The following ELAVL1 variants were observed in gnomAD, a reference collection of about 807,000 sequenced individuals.
The protein encoded by ELAVL1 is ELAV-like protein 1.
A neutral mutation model predicts 28.4 loss-of-function variants in ELAVL1; 1 was observed. That is an observed-to-expected ratio of 0.04 (90% CI 0.01 to 0.17). The LOEUF (loss-of-function observed/expected upper bound fraction) is 0.17. ELAVL1 is among the 10% of genes least tolerant of loss of function. The pLI, the probability that ELAVL1 is intolerant of heterozygous loss-of-function variation, is 1.00. For missense variants in ELAVL1, 157 were observed against 447.2 expected, an observed-to-expected ratio of 0.35 and a Z score of 5.85; for synonymous variants, 174 against 183.5, an observed-to-expected ratio of 0.95 and a Z score of 0.42.
At chr19:7,977,588 C>T (rs973844084) in intron 3 of ELAVL1, among the ~76,000 whole-genome samples, 8 of 152,212 alleles carry the variant, frequency 5.3e-5, no homozygotes, top group South Asian at 2.1e-4. Flanking sequence ...CTCAGCCTGT[C>T]GCCTCCATGC....
At chr19:7,980,734 C>A (rs888720426) in intron 3 of ELAVL1, among the ~76,000 whole-genome samples, 1 of 152,136 alleles carries the variant, frequency 6.6e-6, no homozygotes, top group African/African-American at 2.4e-5. Flanking sequence ...GAGTGAGGTG[C>A]TGGGTGAGGG....
intron 3 of ELAVL1, among the ~76,000 whole-genome samples, chr19:7,976,001 G>C (rs1451626484): frequency 6.6e-6 from 1 of 151,908 alleles, no homozygotes; most frequent in Non-Finnish European, 1.5e-5. Flanking sequence ...GCTGAGGTAG[G>C]AGGATCACCT....
intron 4 of ELAVL1, among the ~76,000 whole-genome samples, chr19:7,968,372 C>G (rs547671908): frequency 6.6e-6 from 1 of 152,356 alleles, no homozygotes; most frequent in South Asian, 2.1e-4. Context: ...TGGCCACCCC[C>G]TGCCAGCTCC....
chr19:7,989,658 A>ACG (rs1985700992), intron 2 of ELAVL1, among the ~76,000 whole-genome samples: 1 of 152,252 alleles, frequency 6.6e-6, no homozygotes, highest in Admixed American at 6.5e-5. Flanking sequence ...TGTTAGTGGC[A>ACG]CAGGAGAATT....
chr19:7,994,870 G>A (rs574845711), intron 1 of ELAVL1, among the ~76,000 whole-genome samples: 5 of 152,260 alleles, frequency 3.3e-5, no homozygotes, highest in South Asian at 4.1e-4. Context: ...AGGGAGGATC[G>A]CTTGAGCCCA....
chr19:7,973,703 G>A lies in ELAVL1; in HGVS notation c.430+22C>T, dbSNP rs369601623. 2.3e-5 allele frequency: 37 copies of A among 1,604,656 alleles called. No individual in the cohort carries two copies. The Middle Eastern group carries it at 5.0e-4, about 22-fold the overall frequency. On this transcript the variant is annotated intron_variant, in intron 4 of 5. Coordinates refer to ENST00000407627, the MANE Select transcript of ELAVL1 (RefSeq NM_001419.3). The stretch of plus-strand genomic sequence containing the variant: ...CCCACCTAGAGAACACCCTCCCCAC[G>A]CGTCTGGGGCCCCTCTGGTACCTGT...
At chr19:8,002,593 C>T (rs1050424876) in intron 1 of ELAVL1, among the ~76,000 whole-genome samples, 1 of 152,228 alleles carries the variant, frequency 6.6e-6, no homozygotes, top group East Asian at 1.9e-4. Flanking sequence ...GCGCTTCTCT[C>T]GCCATTCAGC....
At chr19:8,002,781 G>A (rs183490380) in intron 1 of ELAVL1, among the ~76,000 whole-genome samples, 1 of 152,304 alleles carries the variant, frequency 6.6e-6, no homozygotes, top group East Asian at 1.9e-4. Flanking sequence ...GTCTCCAGGT[G>A]GAGGCTGCAA....
intron 2 of ELAVL1, among the ~76,000 whole-genome samples, chr19:7,983,443 C>T (rs963762956): frequency 6.6e-6 from 1 of 152,212 alleles, no homozygotes; most frequent in Non-Finnish European, 1.5e-5. Context: ...TACCCACTCA[C>T]TGGACACCAC....
chr19:7,981,154 C>T lies in ELAVL1; in HGVS notation c.205G>A (p.Val69Met), dbSNP rs757894457. 9.9e-6 allele frequency: 16 copies of T among 1,614,090 alleles called. No individual in the cohort carries two copies. Among genetic ancestry groups the T allele is most frequent in the South Asian group, 3.3e-5 (3 of 91,086 alleles). Reference protein sequence around the residue: ...HSLGYGFVNYVTAKDAERAIN... With the variant: ...HSLGYGFVNYMTAKDAERAIN... ...GCTCTCTCTGCATCCTTCGCGGTCACGTAGTTCACAAAGCCATAGCCCAAG... is the reference window on the plus strand; with the variant it reads ...GCTCTCTCTGCATCCTTCGCGGTCATGTAGTTCACAAAGCCATAGCCCAAG... Residue 69 changes from valine to methionine, a missense_variant, in exon 3 of 6, where the codon GTG becomes ATG. Transcript: ENST00000407627. The surrounding 1 kb of genome is among the most constrained non-coding windows in gnomAD (Gnocchi z 4.2).
chr19:7,987,701 C>T (rs1173682825), intron 2 of ELAVL1, among the ~76,000 whole-genome samples: 2 of 152,228 alleles, frequency 1.3e-5, no homozygotes, highest in East Asian at 3.8e-4. Flanking sequence ...TTCATTCATT[C>T]CTTCCTTCAC....
rs908024791 is a variant in ELAVL1, at chr19:7,982,947, G to C, written c.173-1761C>G. Among the ~76,000 whole-genome samples the C allele has an allele frequency of 5.9e-5, 9 of 152,224 alleles. No individual in the cohort carries two copies. Among genetic ancestry groups the C allele is most frequent in the African/African-American group, 2.2e-4 (9 of 41,444 alleles). ...CAGGCCGTCAACGTGACTTATGGCT[G>C]CTGGTGCTGACCGTGATCACTGGGC... On this transcript the variant is annotated intron_variant, in intron 2 of 5. Transcript: ENST00000407627. This position sits in a 1 kb window ranked among gnomAD's most constrained non-coding sequence, Gnocchi z 4.3.
chr19:7,974,903 CAACA>C (rs1568309983), intron 3 of ELAVL1, among the ~76,000 whole-genome samples: 1 of 152,198 alleles, frequency 6.6e-6, no homozygotes, highest in Non-Finnish European at 1.5e-5. Context: ...AGAGAAGGAA[CAACA>C]GACATTGCCC....
chr19:7,984,398 A>G (rs530450295), intron 2 of ELAVL1, among the ~76,000 whole-genome samples: 56 of 152,348 alleles, frequency 3.7e-4, no homozygotes, highest in Middle Eastern at 3.4e-3. Context: ...TGACGTGAGC[A>G]TTCCAGACAG....
intron 1 of ELAVL1, among the ~76,000 whole-genome samples, chr19:8,003,355 C>CAAAAAAAAAAAAAAAAAAGAA (rs2081074813): frequency 1.6e-5 from 1 of 61,092 alleles, no homozygotes. Context: ...GAAACTGTCT[C>CAAAAAAAAAAAAAAAAAAGAA]AAAAAAAAAA....
intron 3 of ELAVL1, among the ~76,000 whole-genome samples, chr19:7,977,416 C>T (rs1482618880): frequency 1.3e-5 from 2 of 152,150 alleles, no homozygotes; most frequent in African/African-American, 4.8e-5. Flanking sequence ...TTTTATGGGG[C>T]TGTGGAGAGG....
rs1345294923 is a variant in ELAVL1 at position 8,003,371 on chromosome 19, A to G, written c.-17+2124T>C. On this transcript the variant is annotated intron_variant, in intron 1 of 5. Coordinates refer to ENST00000407627, the MANE Select transcript of ELAVL1 (RefSeq NM_001419.3). ...AAACTGTCTCAAAAAAAAAAAAAAAAAAAGAAAAAGAAAAAAAAAAAAAAA... is the reference window on the plus strand; with the variant it reads ...AAACTGTCTCAAAAAAAAAAAAAAAGAAAGAAAAAGAAAAAAAAAAAAAAA... Among the ~76,000 whole-genome samples the G allele has an allele frequency of 9.4e-3, 1,233 of 130,592 alleles. 22 individuals carry two copies. The highest frequency in any genetic ancestry group is 0.032 in the African/African-American group (1,143 of 36,156). The allele number at this position is 130,592 out of a possible 152,430, so 85.7% of individuals were successfully genotyped here. A position where few individuals can be genotyped will look rare whatever the true frequency, so the allele number is the denominator to read the frequency against.
At position 7,967,796 on chromosome 19, in the gene ELAVL1, C is replaced by T. The variant is rs1077340; in HGVS notation, c.431-6G>A. On this transcript the variant is annotated splice_region_variant and splice_polypyrimidine_tract_variant and intron_variant, in intron 4 of 5. Transcript: ENST00000407627. ...CGCAACCCCTCTGGACAAACCTTTTCAACAAATCAACAAAAACGGAGTTAG... is the reference window on the plus strand; with the variant it reads ...CGCAACCCCTCTGGACAAACCTTTTTAACAAATCAACAAAAACGGAGTTAG... 0.27 allele frequency: 427,520 copies of T among 1,606,192 alleles called. 60,035 individuals are homozygous for T. Among genetic ancestry groups the T allele is most frequent in the African/African-American group, 0.34 (25,400 of 74,556 alleles).
intron 1 of ELAVL1, among the ~76,000 whole-genome samples, chr19:7,999,668 G>A (rs181375041): frequency 9.9e-5 from 15 of 151,770 alleles, no homozygotes; most frequent in African/African-American, 3.4e-4. Flanking sequence ...CTGCAGCCCC[G>A]GCCTCCTAGG....
Sources: allele counts gnomAD v4.1 joint callset (sites outside exome capture counted in the v4.1 genomes callset), GRCh38; gene constraint gnomAD v4.1.1; non-coding constraint Gnocchi (gnomAD v3.1); transcripts MANE v1.5; gene names NCBI Gene and HGNC (gene_info 2026-07-23, HGNC 2026-07-21).